Variants in DLG2 observed in about 807,000 individuals in gnomAD.
DLG2 encodes disks large homolog 2.
A neutral mutation model predicts 132.5 loss-of-function variants in DLG2; 45 were observed. That is an observed-to-expected ratio of 0.34 (90% confidence interval 0.27 to 0.44). DLG2 has a LOEUF of 0.44. Among genes scored for constraint, DLG2 ranks in the 20% least tolerant of loss-of-function variants. The probability of loss-of-function intolerance (pLI) is 1.00; values close to 1 mark genes in which losing one functional copy is unlikely to be tolerated. For synonymous variants in DLG2, 424 were observed against 419.6 expected (o/e 1.01, Z -0.13); for missense variants, 1,045 against 1,196.9 (o/e 0.87, Z 1.87).
chr11:84,299,674 C>T (rs187346653), intron 7 of DLG2, among the ~76,000 whole-genome samples: 21 of 152,242 alleles, frequency 1.4e-4, no homozygotes, highest in East Asian at 1.2e-3. Flanking sequence ...GTTATACTTG[C>T]GTTTGATTTA....
intron 6 of DLG2, among the ~76,000 whole-genome samples, chr11:85,013,079 T>C (rs1022618727): frequency 5.9e-5 from 9 of 152,204 alleles, no homozygotes; most frequent in South Asian, 2.1e-4. Context: ...TAATATCAAA[T>C]TGAATTTTCC....
At chr11:85,531,749 G>C (rs905347351) in intron 3 of DLG2, among the ~76,000 whole-genome samples, 2 of 152,126 alleles carry the variant, frequency 1.3e-5, no homozygotes, top group African/African-American at 4.8e-5. Flanking sequence ...GGTGGAGAAA[G>C]ACACACGCTG....
chr11:84,257,271 C>CCA (rs1448441837), intron 7 of DLG2, among the ~76,000 whole-genome samples: 2 of 152,112 alleles, frequency 1.3e-5, no homozygotes, highest in Non-Finnish European at 2.9e-5. Flanking sequence ...TCCTTCTTTT[C>CCA]CACAATCTTT....
chr11:83,861,713 C>T lies in DLG2; in HGVS notation c.1565+12707G>A, dbSNP rs185648149. ...GATTGAGAGTAGAAGGATAGTTACC[C>T]GAGGCTGGAAAGGTAGTGGTGGGAG... On this transcript the variant is annotated intron_variant, in intron 16 of 27. Transcript: ENST00000376104. 2.0e-4 allele frequency among the ~76,000 whole-genome samples: 30 copies of T among 151,846 alleles called. No homozygotes were observed. The East Asian group carries it at 3.1e-3, about 16-fold the overall frequency.
At chr11:84,992,899 A>G (rs569952858) in intron 6 of DLG2, among the ~76,000 whole-genome samples, 2 of 152,294 alleles carry the variant, frequency 1.3e-5, no homozygotes, top group African/African-American at 4.8e-5. Context: ...CAGAAATACC[A>G]TTTGACTCAG....
intron 14 of DLG2, among the ~76,000 whole-genome samples, chr11:83,950,072 T>C (rs1303884692): frequency 6.6e-6 from 1 of 152,190 alleles, no homozygotes; most frequent in African/African-American, 2.4e-5. Context: ...GAGTCAGCCT[T>C]GGGTTAGTCA....
chr11:83,784,300 T>C (rs1178271862), intron 18 of DLG2, among the ~76,000 whole-genome samples: 1 of 152,226 alleles, frequency 6.6e-6, no homozygotes, highest in Non-Finnish European at 1.5e-5. Flanking sequence ...ACAATTTAAA[T>C]GTCTCTAAAC....
intron 11 of DLG2, among the ~76,000 whole-genome samples, chr11:83,997,053 C>A (rs2094070155): frequency 6.6e-6 from 1 of 151,640 alleles, no homozygotes; most frequent in African/African-American, 2.4e-5. Context: ...GCGTGACATG[C>A]CTGTATCAAA....
At chr11:83,503,168 T>C (rs149511291) in intron 21 of DLG2, among the ~76,000 whole-genome samples, 2 of 151,070 alleles carry the variant, frequency 1.3e-5, no homozygotes, top group Admixed American at 1.3e-4. Context: ...GAGGGGAGGA[T>C]AGGCAAGCAA....
intron 3 of DLG2, among the ~76,000 whole-genome samples, chr11:85,491,718 A>C (rs182015411): frequency 4.6e-5 from 7 of 152,226 alleles, no homozygotes; most frequent in East Asian, 1.9e-4. Flanking sequence ...GTATACTGAA[A>C]ACTAAAACAC....
At chr11:85,249,814 C>T (rs1168157420) in intron 4 of DLG2, among the ~76,000 whole-genome samples, 1 of 152,148 alleles carries the variant, frequency 6.6e-6, no homozygotes, top group Non-Finnish European at 1.5e-5. Context: ...TGCAGTAGTC[C>T]AGATGAATTT....
chr11:85,149,318 G>C (rs942221806), intron 5 of DLG2, among the ~76,000 whole-genome samples: 5 of 152,090 alleles, frequency 3.3e-5, no homozygotes. Flanking sequence ...GAATAGCATT[G>C]AATCTATAAA....
At chr11:83,567,776 T>C (rs747036170) in intron 19 of DLG2, among the ~76,000 whole-genome samples, 3 of 152,026 alleles carry the variant, frequency 2.0e-5, no homozygotes, top group Non-Finnish European at 4.4e-5. Flanking sequence ...CATTACAAGG[T>C]ATAGAGACCT....
intron 6 of DLG2, among the ~76,000 whole-genome samples, chr11:84,550,226 CAGTATTGTAG>C (rs1446548803): frequency 6.6e-6 from 1 of 152,020 alleles, no homozygotes; most frequent in Non-Finnish European, 1.5e-5. Flanking sequence ...ATGCTATTAC[CAGTATTGTAG>C]AGTATTGTAG....
chr11:85,612,902 C>A (rs1033578558), intron 2 of DLG2, among the ~76,000 whole-genome samples: 4 of 152,184 alleles, frequency 2.6e-5, no homozygotes, highest in African/African-American at 7.2e-5. Flanking sequence ...ATAGTAACCA[C>A]AACCCCAAAC....
intron 19 of DLG2, among the ~76,000 whole-genome samples, chr11:83,544,022 C>G (rs900770691): frequency 1.6e-4 from 25 of 152,288 alleles, no homozygotes; most frequent in African/African-American, 5.1e-4. Context: ...TAGGCAGAGG[C>G]TGCCTACATG....
intron 7 of DLG2, among the ~76,000 whole-genome samples, chr11:84,453,232 C>A (rs1031334936): frequency 7.9e-5 from 12 of 151,660 alleles, no homozygotes; most frequent in African/African-American, 2.9e-4. Context: ...GCCTTGATCA[C>A]TGGCTGAAGT....
chr11:85,428,395 A>G (rs1035121288), intron 3 of DLG2, among the ~76,000 whole-genome samples: 3 of 152,228 alleles, frequency 2.0e-5, no homozygotes, highest in Admixed American at 2.0e-4. Flanking sequence ...CTCCTCAGCA[A>G]ATGTAAAAGA....
intron 6 of DLG2, among the ~76,000 whole-genome samples, chr11:84,868,021 C>T (rs1242229577): frequency 1.3e-5 from 2 of 151,622 alleles, no homozygotes; most frequent in East Asian, 1.9e-4. Flanking sequence ...TTGCAGTGAG[C>T]TGAGATCGCG....
Sources: gnomAD v4.1 joint callset for allele counts (sites outside exome capture counted in the v4.1 genomes callset) on GRCh38, gnomAD v4.1.1 for gene constraint, MANE v1.5 for transcripts, NCBI Gene and HGNC (gene_info 2026-07-23, HGNC 2026-07-21) for gene names.